The following GPC5 variants were observed in gnomAD, a reference collection of about 807,000 sequenced individuals.
GPC5 encodes glypican 5, also known as glypican-5.
GPC5 carries 47 observed loss-of-function variants against 53.9 expected under a neutral mutation model. The observed-to-expected ratio is 0.87, with a 90% CI of 0.69 to 1.11. GPC5 has a LOEUF of 1.11. Among genes scored for constraint, GPC5 ranks in the 50% most tolerant of loss-of-function variants. The pLI, the probability that GPC5 is intolerant of heterozygous loss-of-function variation, is 0.00. For missense variants in GPC5, 748 were observed against 713.1 expected (o/e 1.05, Z -0.56); for synonymous variants, 286 against 263.3 (o/e 1.09, Z -0.84).
chr13:91,416,624 A>C (rs1222121367), intron 1 of GPC5, among the ~76,000 whole-genome samples: 1 of 150,970 alleles, frequency 6.6e-6, no homozygotes, highest in East Asian at 1.9e-4. Context: ...CCACCCCCTG[A>C]CAGGCCCTGG....
intron 7 of GPC5, among the ~76,000 whole-genome samples, chr13:92,777,666 T>G (rs909350459): frequency 6.6e-6 from 1 of 152,186 alleles, no homozygotes; most frequent in African/African-American, 2.4e-5. Flanking sequence ...AACTTTTCAA[T>G]TTGGTAAATG....
chr13:91,916,262 A>C (rs189653167), intron 6 of GPC5, among the ~76,000 whole-genome samples: 1 of 152,208 alleles, frequency 6.6e-6, no homozygotes, highest in Non-Finnish European at 1.5e-5. Context: ...AATGTTAACC[A>C]TTATGACCCA....
At chr13:92,481,560 T>C (rs1176117599) in intron 7 of GPC5, among the ~76,000 whole-genome samples, 2 of 152,306 alleles carry the variant, frequency 1.3e-5, no homozygotes, top group East Asian at 3.9e-4. Flanking sequence ...CTTACTGAAC[T>C]TTCATTTGCT....
chr13:91,427,266 A>G (rs1325543264), intron 1 of GPC5, among the ~76,000 whole-genome samples: 3 of 152,194 alleles, frequency 2.0e-5, no homozygotes, highest in Admixed American at 6.5e-5. Flanking sequence ...ATGAGCCTGG[A>G]GAAGTCACAG....
intron 7 of GPC5, among the ~76,000 whole-genome samples, chr13:92,482,093 T>C (rs1879381239): frequency 6.6e-6 from 1 of 151,868 alleles, no homozygotes; most frequent in South Asian, 2.1e-4. Context: ...ATCGCACCAT[T>C]GCACTCCAGC....
chr13:91,944,381 C>T (rs2039956697), intron 6 of GPC5, among the ~76,000 whole-genome samples: 1 of 152,100 alleles, frequency 6.6e-6, no homozygotes, highest in African/African-American at 2.4e-5. Flanking sequence ...CAGGCGTGAG[C>T]CACCGCGCCC....
intron 5 of GPC5, among the ~76,000 whole-genome samples, chr13:91,840,366 T>C (rs190193346): frequency 6.6e-6 from 1 of 152,174 alleles, no homozygotes; most frequent in Non-Finnish European, 1.5e-5. Flanking sequence ...TTAATGAAAG[T>C]ATATGTGGAT....
intron 7 of GPC5, among the ~76,000 whole-genome samples, chr13:92,169,211 A>G (rs756681265): frequency 3.9e-5 from 6 of 152,120 alleles, no homozygotes; most frequent in Non-Finnish European, 8.8e-5. Context: ...GAGCATTGGG[A>G]AAAAATAGCT....
rs145023096 is a variant in GPC5 at position 92,160,275 on chromosome 13, T to C, written c.1561+15286T>C. ...ATACCAATTCCGATATTAAATTATA[T>C]CTAAAATGGTTCCTGTTTTCTTGAC... is the stretch of plus-strand genomic sequence containing the variant. On this transcript the variant is annotated intron_variant, in intron 7 of 7. Coordinates refer to ENST00000377067, the MANE Select transcript of GPC5 (RefSeq NM_004466.6). Among the ~76,000 whole-genome samples, 741 of 152,306 alleles carry C rather than the reference T, an allele frequency of 4.9e-3. 10 individuals are homozygous for C. Among genetic ancestry groups the C allele is most frequent in the African/African-American group, 0.016 (668 of 41,564 alleles).
chr13:91,835,520 T>A (rs1014522213), intron 5 of GPC5, among the ~76,000 whole-genome samples: 1 of 152,040 alleles, frequency 6.6e-6, no homozygotes, highest in Non-Finnish European at 1.5e-5. Context: ...GATAAAGAAA[T>A]GTGGCACATA....
chr13:91,436,944 G>A (rs1337415182), intron 1 of GPC5, among the ~76,000 whole-genome samples: 2 of 152,008 alleles, frequency 1.3e-5, no homozygotes, highest in Admixed American at 6.5e-5. Flanking sequence ...TTATGTAATG[G>A]CCTTCTTTGT....
At chr13:91,429,565 G>C (rs1373455548) in intron 1 of GPC5, among the ~76,000 whole-genome samples, 1 of 152,162 alleles carries the variant, frequency 6.6e-6, no homozygotes, top group Non-Finnish European at 1.5e-5. Flanking sequence ...TAGAAGGATT[G>C]GAAGAAGAGA....
chr13:92,651,798 T>C (rs1456658099), intron 7 of GPC5, among the ~76,000 whole-genome samples: 1 of 151,814 alleles, frequency 6.6e-6, no homozygotes, highest in African/African-American at 2.4e-5. Context: ...TCTAAAACTA[T>C]TTTAAAATTA....
chr13:92,024,321 A>G (rs1000628223), intron 6 of GPC5, among the ~76,000 whole-genome samples: 3 of 152,168 alleles, frequency 2.0e-5, no homozygotes, highest in Non-Finnish European at 4.4e-5. Flanking sequence ...CCAGAAATCC[A>G]TTAATGATTT....
intron 6 of GPC5, among the ~76,000 whole-genome samples, chr13:92,105,631 A>G (rs1404224765): frequency 6.6e-6 from 1 of 152,052 alleles, no homozygotes; most frequent in Non-Finnish European, 1.5e-5. Context: ...AAATACCTAA[A>G]TCAAGAACCA....
At chr13:92,169,778 A>G (rs2042056485) in intron 7 of GPC5, among the ~76,000 whole-genome samples, 1 of 152,162 alleles carries the variant, frequency 6.6e-6, no homozygotes, top group African/African-American at 2.4e-5. Context: ...TTATAATTTG[A>G]GACAGCATAG....
intron 7 of GPC5, among the ~76,000 whole-genome samples, chr13:92,170,372 ACTTCCT>A (rs1340049882): frequency 1.4e-5 from 2 of 146,936 alleles, no homozygotes; most frequent in Non-Finnish European, 3.0e-5. Flanking sequence ...CTAAGATAGG[ACTTCCT>A]ATACCCACAA....
intron 7 of GPC5, among the ~76,000 whole-genome samples, chr13:92,742,084 C>A (rs1163989894): frequency 1.3e-5 from 2 of 151,572 alleles, no homozygotes; most frequent in Non-Finnish European, 2.9e-5. Context: ...ATTTATAGTC[C>A]TTTGGGTATA....
intron 7 of GPC5, among the ~76,000 whole-genome samples, chr13:92,560,200 T>C (rs1201142511): frequency 6.6e-6 from 1 of 151,866 alleles, no homozygotes; most frequent in Non-Finnish European, 1.5e-5. Flanking sequence ...AATCTATTAG[T>C]AAATGTAAGG....
Sources: allele counts gnomAD v4.1 joint callset (sites outside exome capture counted in the v4.1 genomes callset), GRCh38; gene constraint gnomAD v4.1.1; transcripts MANE v1.5; gene names NCBI Gene and HGNC (gene_info 2026-07-23, HGNC 2026-07-21).